Variants in CDH13 observed in about 807,000 individuals in gnomAD.
CDH13 encodes cadherin 13.
In CDH13, 24 loss-of-function variants were observed where a neutral mutation model predicts 63.8. That is an observed-to-expected ratio of 0.38 (90% CI 0.27 to 0.53). The LOEUF (loss-of-function observed/expected upper bound fraction) is 0.53. Among genes scored for constraint, CDH13 ranks in the 20% least tolerant of loss-of-function variants. CDH13 has a pLI of 0.85. For synonymous variants in CDH13, 503 were observed against 355.3 expected, an observed-to-expected ratio of 1.42 and a Z score of -4.67; for missense variants, 1,049 against 903.1, an observed-to-expected ratio of 1.16 and a Z score of -2.07.
intron 1 of CDH13, among the ~76,000 whole-genome samples, chr16:82,717,595 C>T (rs1267746003): frequency 6.6e-6 from 1 of 152,168 alleles, no homozygotes; most frequent in Non-Finnish European, 1.5e-5. Context: ...CATTCCTTAG[C>T]TTATAGCCAC....
intron 10 of CDH13, among the ~76,000 whole-genome samples, chr16:83,695,399 T>C (rs1030217961): frequency 5.9e-5 from 9 of 152,228 alleles, no homozygotes; most frequent in Non-Finnish European, 7.3e-5. Flanking sequence ...GCAAATGCTG[T>C]GACTCTGTGG....
intron 1 of CDH13, among the ~76,000 whole-genome samples, chr16:82,853,345 T>C (rs748563743): frequency 9.2e-5 from 14 of 152,198 alleles, no homozygotes; most frequent in Non-Finnish European, 2.1e-4. Flanking sequence ...TTGGTAATAG[T>C]TTGTCAATGT....
intron 7 of CDH13, among the ~76,000 whole-genome samples, chr16:83,566,791 C>T (rs183707616): frequency 4.6e-5 from 7 of 152,238 alleles, no homozygotes; most frequent in Admixed American, 1.3e-4. Context: ...GTGTTCTTTG[C>T]GTGTTGCTTC....
At chr16:83,191,463 ATATATATATATATATATATATATAT>A (rs2038698303) in intron 4 of CDH13, among the ~76,000 whole-genome samples, 1 of 82,846 alleles carries the variant, frequency 1.2e-5, no homozygotes, top group Non-Finnish European at 2.4e-5. Flanking sequence ...TAGGAAATAT[ATATATATATATATATATATATATAT>A]GCACATATAT....
At chr16:83,513,603 A>T (rs540840135) in intron 7 of CDH13, among the ~76,000 whole-genome samples, 3 of 152,276 alleles carry the variant, frequency 2.0e-5, no homozygotes, top group South Asian at 2.1e-4. Context: ...GGCAGCAAGG[A>T]GAAGTGCTGA....
At chr16:83,351,280 CT>C (rs5818442) in intron 6 of CDH13, among the ~76,000 whole-genome samples, 68,695 of 134,880 alleles carry the variant, frequency 0.51, 18,451 homozygotes, top group East Asian at 0.74. Flanking sequence ...GTGGCTATTT[CT>C]TTTTTTTTTT....
intron 4 of CDH13, among the ~76,000 whole-genome samples, chr16:83,127,742 C>G (rs2035875122): frequency 6.6e-6 from 1 of 152,050 alleles, no homozygotes. Context: ...AACACACAAA[C>G]AAAAAATCGA....
chr16:83,118,887 C>T (rs1354905182), intron 3 of CDH13, among the ~76,000 whole-genome samples: 1 of 152,194 alleles, frequency 6.6e-6, no homozygotes, highest in African/African-American at 2.4e-5. Context: ...TTCATTCATT[C>T]TGTGTTTCTT....
chr16:82,837,905 C>T (rs1305325683), intron 1 of CDH13, among the ~76,000 whole-genome samples: 1 of 152,230 alleles, frequency 6.6e-6, no homozygotes, highest in Non-Finnish European at 1.5e-5. Context: ...TCCCAGATGC[C>T]AGCCAAGGGC....
chr16:82,881,237 G>A (rs1462278338), intron 2 of CDH13, among the ~76,000 whole-genome samples: 2 of 152,124 alleles, frequency 1.3e-5, no homozygotes, highest in East Asian at 1.9e-4. Context: ...CTTGCATAGG[G>A]GTTCAAGCTC....
chr16:82,938,303 A>T (rs1021725768), intron 2 of CDH13, among the ~76,000 whole-genome samples: 7 of 152,224 alleles, frequency 4.6e-5, no homozygotes, highest in African/African-American at 1.7e-4. Context: ...ATGCACTCCT[A>T]CAGAGCGCTA....
intron 6 of CDH13, among the ~76,000 whole-genome samples, chr16:83,450,062 C>T (rs989115006): frequency 2.6e-5 from 4 of 152,152 alleles, no homozygotes; most frequent in South Asian, 2.1e-4. Flanking sequence ...AGTTCAATGC[C>T]GACATCCCAA....
intron 5 of CDH13, among the ~76,000 whole-genome samples, chr16:83,288,718 A>G (rs1460713781): frequency 1.3e-5 from 2 of 152,200 alleles, no homozygotes; most frequent in Non-Finnish European, 2.9e-5. Context: ...ACACCCACAA[A>G]AATTATTTTG....
intron 8 of CDH13, among the ~76,000 whole-genome samples, chr16:83,659,418 C>A (rs899641138): frequency 2.0e-5 from 3 of 152,258 alleles, no homozygotes; most frequent in Non-Finnish European, 4.4e-5. Flanking sequence ...CATGTCCTCA[C>A]CAGCAAGGTC....
intron 5 of CDH13, among the ~76,000 whole-genome samples, chr16:83,325,008 G>T (rs1567592648): frequency 6.6e-6 from 1 of 152,106 alleles, no homozygotes; most frequent in Non-Finnish European, 1.5e-5. Flanking sequence ...TTTTTCAAAG[G>T]TATGGGCATT....
chr16:83,682,065 G>A (rs1325254279), intron 10 of CDH13, among the ~76,000 whole-genome samples: 2 of 152,188 alleles, frequency 1.3e-5, no homozygotes, highest in Admixed American at 6.5e-5. Context: ...GACTGCTGAT[G>A]TGATACCTCT....
At position 83,795,621 on chromosome 16, in the gene CDH13, CA is replaced by C. The variant is rs1400468086; in HGVS notation, c.*593del. 1 of 152,280 alleles carries C rather than the reference CA, an allele frequency of 6.6e-6. No homozygotes were observed. The allele number at this position is 152,280 out of a possible 1,614,324, so 9.4% of individuals were successfully genotyped here. ...GTCCCGTTCAGTCTGAATGCTGCCA[CA>C]ACCAGCCAGGCAGGTCCACAGAGAG... On this transcript the variant is annotated 3_prime_UTR_variant, in exon 14 of 14. Transcript: ENST00000567109.
At chr16:83,703,572 T>C (rs1906566157) in intron 10 of CDH13, among the ~76,000 whole-genome samples, 1 of 152,226 alleles carries the variant, frequency 6.6e-6, no homozygotes, top group Non-Finnish European at 1.5e-5. Context: ...GAGAAGACTT[T>C]GAATAAAATG....
chr16:83,114,934 A>G (rs1182770654), intron 3 of CDH13, among the ~76,000 whole-genome samples: 2 of 152,222 alleles, frequency 1.3e-5, no homozygotes, highest in South Asian at 2.1e-4. Context: ...TAAATTGGAG[A>G]TTGGCTTCTG....
Sources: gnomAD v4.1 joint callset for allele counts (sites outside exome capture counted in the v4.1 genomes callset) on GRCh38, gnomAD v4.1.1 for gene constraint, MANE v1.5 for transcripts, NCBI Gene and HGNC (gene_info 2026-07-23, HGNC 2026-07-21) for gene names.